The following TECR variants were observed in gnomAD, a reference collection of about 807,000 sequenced individuals.
TECR encodes the protein very-long-chain enoyl-CoA reductase.
A neutral mutation model predicts 50.6 loss-of-function variants in TECR; 19 were observed. The observed-to-expected ratio is 0.38, with a 90% CI of 0.26 to 0.55. The LOEUF (loss-of-function observed/expected upper bound fraction) is 0.55. Ranked by LOEUF, TECR falls within the 20% of genes least tolerant of loss-of-function variation. The pLI is 0.79. For missense variants in TECR, 313 were observed against 408.3 expected (o/e 0.77, Z 2.01); for synonymous variants, 168 against 163.5 (o/e 1.03, Z -0.21).
At position 14,565,812 on chromosome 19, in the gene TECR, C is replaced by T; in HGVS notation, c.868C>T (p.Leu290=). The T allele has an allele frequency of 6.2e-7, 1 of 1,602,492 alleles. No individual in the cohort carries two copies. Among genetic ancestry groups the T allele is most frequent in the Non-Finnish European group, 8.5e-7 (1 of 1,175,548 alleles). ...GGCCAAGGGCAAGCACCGCAGCTAC[C>T]TGAAGGAGTTCCGGGACTACCCGCC... ...IWAKGKHRSY[L]KEFRDYPPLR... is the part of the protein sequence containing the mutation. Residue 290 remains leucine (L), a synonymous_variant, in exon 13 of 13, where the codon CTG becomes TTG. Transcript: ENST00000215567.
intron 1 of TECR, chr19:14,544,981 G>A (rs1468520562): frequency 2.2e-5 from 9 of 411,356 alleles, no homozygotes; most frequent in Non-Finnish European, 3.9e-5. Flanking sequence ...GAACTGCGGT[G>A]TCCTTTTCAC....
rs71166754 is a variant in TECR, at chr19:14,542,347, G to GTTTTTTTTTTTTTTTTTTTTTTT, written c.15+12643_15+12665dup. On this transcript the variant is annotated intron_variant, in intron 1 of 12. Transcript: ENST00000215567. ...CCTCAGGGGGCCCTCATGCCATAGTGTTTTTTTTTTTTTTTTTTTTTTTTT... is the reference window on the plus strand; with the variant it reads ...CCTCAGGGGGCCCTCATGCCATAGTGTTTTTTTTTTTTTTTTTTTTTTTTTTTTTTTTTTTTTTTTTTTTTTTT... 6.9e-5 allele frequency among the ~76,000 whole-genome samples: 3 copies of GTTTTTTTTTTTTTTTTTTTTTTT among 43,300 alleles called. 1 individual carries two copies. Among genetic ancestry groups the GTTTTTTTTTTTTTTTTTTTTTTT allele is most frequent in the East Asian group, 6.9e-4 (1 of 1,454 alleles). 28.4% of individuals were successfully genotyped at this position (43,300 alleles called of 152,430 possible). A position where few individuals can be genotyped will look rare whatever the true frequency, so the allele number is the denominator to read the frequency against.
chr19:14,529,820 C>T lies in TECR; in HGVS notation c.15+109C>T, dbSNP rs530850662. On this transcript the variant is annotated intron_variant, in intron 1 of 12. Transcript: ENST00000215567. Reference sequence around the variant, plus strand: ...TGGTCCTGTGCCCCGAAGGAAGAGCCAGACGGCGCAGGCGCAGTGGGCAAG... The same window carrying T: ...TGGTCCTGTGCCCCGAAGGAAGAGCTAGACGGCGCAGGCGCAGTGGGCAAG... 1.6e-4 allele frequency: 236 copies of T among 1,517,884 alleles called. 1 individual carries two copies. In the East Asian group the frequency reaches 5.0e-3, roughly 32 times the overall value. The allele number at this position is 1,517,884 out of a possible 1,614,324, so 94.0% of individuals were successfully genotyped here. A position where few individuals can be genotyped will look rare whatever the true frequency, so the allele number is the denominator to read the frequency against.
intron 1 of TECR, chr19:14,531,639 C>G (rs1027592665): frequency 6.6e-6 from 1 of 152,154 alleles, no homozygotes; most frequent in Admixed American, 6.6e-5. Flanking sequence ...TCAGGCTGGT[C>G]TCGAACTCCC....
At chr19:14,561,183 TG>T (rs1450398836) in intron 1 of TECR, among the ~76,000 whole-genome samples, 1 of 151,848 alleles carries the variant, frequency 6.6e-6, no homozygotes, top group Non-Finnish European at 1.5e-5. Context: ...CCCTGGGCTC[TG>T]GGTGGGTGGG....
intron 1 of TECR, among the ~76,000 whole-genome samples, chr19:14,557,114 C>CTTATTCATTTATTTAT (rs2073754104): frequency 7.1e-6 from 1 of 140,384 alleles, no homozygotes; most frequent in African/African-American, 2.7e-5. Flanking sequence ...TTGGTCTAAT[C>CTTATTCATTTATTTAT]TTATTTATTT....
chr19:14,536,260 C>T (rs552871413), intron 1 of TECR, among the ~76,000 whole-genome samples: 2 of 146,784 alleles, frequency 1.4e-5, no homozygotes, highest in Admixed American at 6.9e-5. Flanking sequence ...TTTAGTTTCT[C>T]GAGCTAGTTT....
chr19:14,555,937 T>A (rs1404450596), intron 1 of TECR, among the ~76,000 whole-genome samples: 1 of 151,970 alleles, frequency 6.6e-6, no homozygotes, highest in African/African-American at 2.4e-5. Flanking sequence ...CTGCCCTCAC[T>A]CCTCCAGTCT....
At chr19:14,533,498 GA>G (rs1382857353) in intron 1 of TECR, among the ~76,000 whole-genome samples, 1 of 152,136 alleles carries the variant, frequency 6.6e-6, no homozygotes, top group Non-Finnish European at 1.5e-5. Flanking sequence ...GTTGTCCACT[GA>G]AAGGTTGGCC....
intron 1 of TECR, among the ~76,000 whole-genome samples, chr19:14,540,271 T>C (rs1445980726): frequency 1.3e-5 from 2 of 151,972 alleles, no homozygotes; most frequent in Non-Finnish European, 2.9e-5. Flanking sequence ...GGTTTCACTG[T>C]GTCAGCCAGG....
Position 14,529,708 on chromosome 19 carries a change from C to G in TECR, c.12C>G (p.Tyr4Ter). MKH[Y>*]EVEILDAKTR... The stretch of plus-strand genomic sequence containing the variant: ...CGTGGGAGGGAGCCATGAAGCATTA[C>G]GAGGTAAGAAGCGAGAAACAGGGGC... Residue 4 changes from tyrosine to a stop codon, truncating the protein, a stop_gained, in exon 1 of 13, where the codon TAC (tyrosine) becomes TAG (stop). Transcript: ENST00000215567. LOFTEE classifies it high-confidence loss of function. 6.2e-7 allele frequency: 1 copy of G among 1,614,130 alleles called. No homozygotes were observed. Among genetic ancestry groups the G allele is most frequent in the Non-Finnish European group, 8.5e-7 (1 of 1,180,048 alleles).
At chr19:14,538,813 G>A (rs1599425362) in intron 1 of TECR, among the ~76,000 whole-genome samples, 1 of 152,054 alleles carries the variant, frequency 6.6e-6, no homozygotes, top group East Asian at 1.9e-4. Context: ...TTATAGGCAT[G>A]AGCCACCACG....
chr19:14,542,218 A>G (rs994202745), intron 1 of TECR, among the ~76,000 whole-genome samples: 2 of 150,772 alleles, frequency 1.3e-5, no homozygotes, highest in African/African-American at 2.4e-5. Flanking sequence ...TCCTGCCTTG[A>G]CCTCCCAAAG....
intron 1 of TECR, among the ~76,000 whole-genome samples, chr19:14,549,748 G>T (rs1428467643): frequency 6.6e-6 from 1 of 152,004 alleles, no homozygotes; most frequent in South Asian, 2.1e-4. Flanking sequence ...TTTGAGACGA[G>T]CCTGACCAAC....
chr19:14,531,543 C>G (rs866771054), intron 1 of TECR: 1 of 152,248 alleles, frequency 6.6e-6, no homozygotes, highest in South Asian at 2.1e-4. Context: ...CTGCCCCAGC[C>G]TCCTGAGTAG....
At chr19:14,554,786 CTT>C (rs901811169) in intron 1 of TECR, among the ~76,000 whole-genome samples, 1 of 147,172 alleles carries the variant, frequency 6.8e-6, no homozygotes. Flanking sequence ...CTGCCTTGTG[CTT>C]TTTTTTTTTG....
intron 1 of TECR, among the ~76,000 whole-genome samples, chr19:14,538,574 C>T (rs1482765928): frequency 6.6e-6 from 1 of 151,238 alleles, no homozygotes. Flanking sequence ...TCCTCTGTCA[C>T]CAGGCTGGAG....
intron 1 of TECR, among the ~76,000 whole-genome samples, chr19:14,541,611 C>T (rs2073099714): frequency 6.6e-6 from 1 of 152,138 alleles, no homozygotes; most frequent in Admixed American, 6.6e-5. Flanking sequence ...AAGCCAAGGC[C>T]TGAAGGTCGA....
chr19:14,528,824 A>G (rs896224470), upstream of TECR, among the ~76,000 whole-genome samples: 1 of 152,020 alleles, frequency 6.6e-6, no homozygotes, highest in Non-Finnish European at 1.5e-5. Flanking sequence ...GGTGCCTGTA[A>G]TCTCATCTAC....
Sources: allele counts gnomAD v4.1 joint callset (sites outside exome capture counted in the v4.1 genomes callset), GRCh38; gene constraint gnomAD v4.1.1; transcripts MANE v1.5; gene names NCBI Gene and HGNC (gene_info 2026-07-23, HGNC 2026-07-21).